SYN3: variants seen among roughly 807,000 people sequenced by gnomAD.
The protein encoded by SYN3 is synapsin III, also known as synapsin-3.
A neutral mutation model predicts 65.8 loss-of-function variants in SYN3; 35 were observed. The observed-to-expected ratio is 0.53, with a 90% confidence interval of 0.41 to 0.70. SYN3 has a LOEUF of 0.70. Among genes scored for constraint, SYN3 ranks in the 30% least tolerant of loss-of-function variants. The probability of loss-of-function intolerance (pLI) is 0.00; values close to 1 mark genes in which losing one functional copy is unlikely to be tolerated. For missense variants in SYN3, 680 were observed against 749.0 expected, an observed-to-expected ratio of 0.91 and a Z score of 1.08; for synonymous variants, 270 against 292.9, an observed-to-expected ratio of 0.92 and a Z score of 0.80.
intron 3 of SYN3, among the ~76,000 whole-genome samples, chr22:32,958,781 T>C (rs1408024344): frequency 6.6e-6 from 1 of 152,086 alleles, no homozygotes; most frequent in Non-Finnish European, 1.5e-5. Context: ...ACAGACCAAG[T>C]ATGCAAACAC....
chr22:32,707,705 C>T (rs1266289939), intron 6 of SYN3, among the ~76,000 whole-genome samples: 1 of 152,110 alleles, frequency 6.6e-6, no homozygotes, highest in East Asian at 1.9e-4. Context: ...CTATCTGTGT[C>T]AATTACCTCC....
At chr22:32,678,895 T>C (rs914107638) in intron 6 of SYN3, among the ~76,000 whole-genome samples, 1 of 152,136 alleles carries the variant, frequency 6.6e-6, no homozygotes, top group Non-Finnish European at 1.5e-5. Context: ...AATCATGTAG[T>C]GTTTGTCTTT....
At chr22:32,580,128 A>G (rs1036982392) in intron 7 of SYN3, among the ~76,000 whole-genome samples, 1 of 152,262 alleles carries the variant, frequency 6.6e-6, no homozygotes, top group African/African-American at 2.4e-5. Flanking sequence ...CACAGAGCTT[A>G]CAGCCTGGTT....
intron 6 of SYN3, among the ~76,000 whole-genome samples, chr22:32,721,003 T>TGG (rs1392823359): frequency 1.3e-5 from 2 of 152,212 alleles, no homozygotes; most frequent in African/African-American, 4.8e-5. Flanking sequence ...TCCAGGTTCT[T>TGG]GGGGGCTTTC....
intron 7 of SYN3, among the ~76,000 whole-genome samples, chr22:32,594,768 G>T (rs375950336): frequency 6.6e-6 from 1 of 152,188 alleles, no homozygotes; most frequent in Non-Finnish European, 1.5e-5. Flanking sequence ...GATTATAGGC[G>T]TGAGCCACCA....
chr22:32,827,448 A>G (rs959115172), intron 6 of SYN3, among the ~76,000 whole-genome samples: 2 of 152,150 alleles, frequency 1.3e-5, no homozygotes, highest in East Asian at 1.9e-4. Context: ...TCCTACTTGT[A>G]CAAATGGATT....
intron 6 of SYN3, among the ~76,000 whole-genome samples, chr22:32,605,987 T>C (rs191534844): frequency 6.6e-6 from 1 of 152,288 alleles, no homozygotes; most frequent in Admixed American, 6.5e-5. Flanking sequence ...GGAATGGACA[T>C]TATAATAGAT....
chr22:32,926,086 A>C (rs1393077049), intron 4 of SYN3, among the ~76,000 whole-genome samples: 1 of 152,146 alleles, frequency 6.6e-6, no homozygotes, highest in Non-Finnish European at 1.5e-5. Context: ...TCCTGATCTC[A>C]AGCAATCTGC....
chr22:32,741,090 T>A (rs1474614549), intron 6 of SYN3, among the ~76,000 whole-genome samples: 2 of 152,176 alleles, frequency 1.3e-5, no homozygotes, highest in Non-Finnish European at 2.9e-5. Context: ...GATCAGGGCA[T>A]GAGGAACAGG....
intron 11 of SYN3, 129 bp downstream of exon 11, chr22:32,528,745 A>C (rs2058022976): frequency 2.3e-6 from 3 of 1,329,280 alleles, no homozygotes; most frequent in Admixed American, 4.9e-5. Flanking sequence ...CTTCGTCCAC[A>C]CCCCCATTCC....
At chr22:32,960,739 G>C (rs761156301) in intron 3 of SYN3, among the ~76,000 whole-genome samples, 6 of 152,214 alleles carry the variant, frequency 3.9e-5, no homozygotes, top group Non-Finnish European at 7.3e-5. Context: ...ACACTGACCA[G>C]TGTGGATCAT....
intron 4 of SYN3, among the ~76,000 whole-genome samples, chr22:32,873,933 C>A (rs1330014174): frequency 6.6e-6 from 1 of 151,920 alleles, no homozygotes; most frequent in Non-Finnish European, 1.5e-5. Context: ...TCAAGACCAG[C>A]CTGGCCAACG....
rs568314932 is a variant in SYN3, at chr22:32,804,322, G to A, written c.711+60593C>T. 1.9e-4 allele frequency among the ~76,000 whole-genome samples: 29 copies of A among 152,278 alleles called. 1 individual carries two copies. In the South Asian group the frequency reaches 5.0e-3, roughly 26 times the overall value. On this transcript the variant is annotated intron_variant, in intron 6 of 13. Transcript: ENST00000358763. ...TCGCCTTGCACAGCACCCTGCTGGC[G>A]TCCAGTACTTGGCTCCCAAGTTTCA...
chr22:32,602,499 G>T (rs972129676), intron 6 of SYN3, among the ~76,000 whole-genome samples: 1 of 152,124 alleles, frequency 6.6e-6, no homozygotes, highest in Non-Finnish European at 1.5e-5. Flanking sequence ...GTCTTGCTCT[G>T]TTGCCAGGCT....
chr22:32,800,013 G>C (rs996868646), intron 6 of SYN3, among the ~76,000 whole-genome samples: 1 of 152,090 alleles, frequency 6.6e-6, no homozygotes, highest in Non-Finnish European at 1.5e-5. Flanking sequence ...TGGGTGGAGG[G>C]GACAAGTCAA....
chr22:32,876,923 G>A (rs2049000102), intron 4 of SYN3, among the ~76,000 whole-genome samples: 1 of 152,216 alleles, frequency 6.6e-6, no homozygotes, highest in African/African-American at 2.4e-5. Flanking sequence ...TGGTACACAT[G>A]CATAAATAGA....
chr22:32,889,177 T>C (rs983953383), intron 4 of SYN3, among the ~76,000 whole-genome samples: 1 of 152,192 alleles, frequency 6.6e-6, no homozygotes, highest in African/African-American at 2.4e-5. Flanking sequence ...GAGCTAAACA[T>C]GTGCAAAAGG....
chr22:32,688,783 C>T (rs2060625836), intron 6 of SYN3, among the ~76,000 whole-genome samples: 4 of 152,100 alleles, frequency 2.6e-5, no homozygotes, highest in Non-Finnish European at 1.5e-5. Flanking sequence ...CCTCCTTTTG[C>T]CTCCCATGCT....
chr22:32,667,077 A>G (rs1484858822), intron 6 of SYN3, among the ~76,000 whole-genome samples: 2 of 152,178 alleles, frequency 1.3e-5, no homozygotes, highest in Non-Finnish European at 2.9e-5. Flanking sequence ...CTGCTAAATT[A>G]TGCCCCTTTT....
Sources: gnomAD v4.1 joint callset for allele counts (sites outside exome capture counted in the v4.1 genomes callset) on GRCh38, gnomAD v4.1.1 for gene constraint, MANE v1.5 for transcripts, NCBI Gene and HGNC (gene_info 2026-07-23, HGNC 2026-07-21) for gene names.